VWC2L: variants seen among roughly 807,000 people sequenced by gnomAD.
The protein encoded by VWC2L is von Willebrand factor C domain-containing protein 2-like.
Under a neutral mutation model 21.6 loss-of-function variants are expected in VWC2L, and 10 were observed. The ratio of observed to expected loss-of-function variants is 0.46; its 90% CI spans 0.29 to 0.78. The LOEUF (loss-of-function observed/expected upper bound fraction) is 0.78, where lower values mean the gene tolerates loss of function less well. VWC2L is among the 30% of genes least tolerant of loss of function. VWC2L has a pLI of 0.10. For synonymous variants in VWC2L, 96 were observed against 94.3 expected, an observed-to-expected ratio of 1.02 and a Z score of -0.10; for missense variants, 209 against 277.1, an observed-to-expected ratio of 0.75 and a Z score of 1.74.
chr2:214,557,799 G>T (rs552319732), intron 3 of VWC2L, among the ~76,000 whole-genome samples: 1 of 152,028 alleles, frequency 6.6e-6, no homozygotes, highest in African/African-American at 2.4e-5. Context: ...ACAGAATTTC[G>T]TGCCTTTCTG....
At chr2:214,464,461 T>C (rs943669350) in intron 3 of VWC2L, among the ~76,000 whole-genome samples, 2 of 151,594 alleles carry the variant, frequency 1.3e-5, no homozygotes, top group African/African-American at 2.4e-5. Context: ...CCAGGCAGAG[T>C]CTCTTGTTTT....
chr2:214,462,380 C>T (rs1272258176), intron 3 of VWC2L, among the ~76,000 whole-genome samples: 1 of 152,176 alleles, frequency 6.6e-6, no homozygotes, highest in Admixed American at 6.5e-5. Context: ...GGCCAACTGC[C>T]TCATTTCTCT....
At chr2:214,475,169 A>G (rs911121306) in intron 3 of VWC2L, among the ~76,000 whole-genome samples, 5 of 152,196 alleles carry the variant, frequency 3.3e-5, no homozygotes, top group African/African-American at 1.2e-4. Flanking sequence ...TCAACGGGAC[A>G]TTAAAAAGAA....
At chr2:214,459,451 C>T (rs1703107105) in intron 3 of VWC2L, among the ~76,000 whole-genome samples, 1 of 152,074 alleles carries the variant, frequency 6.6e-6, no homozygotes, top group South Asian at 2.1e-4. Context: ...CTTTGTATGT[C>T]CTTTGTTCCT....
intron 3 of VWC2L, among the ~76,000 whole-genome samples, chr2:214,443,736 A>G (rs1409494419): frequency 1.3e-5 from 2 of 152,192 alleles, no homozygotes; most frequent in Non-Finnish European, 2.9e-5. Context: ...GTAGGTAAAC[A>G]CTAAAGAAAT....
intron 3 of VWC2L, among the ~76,000 whole-genome samples, chr2:214,502,399 C>T (rs1044819890): frequency 3.3e-5 from 5 of 151,960 alleles, no homozygotes; most frequent in African/African-American, 4.8e-5. Flanking sequence ...GTGAAACCCC[C>T]CCTCTACTAA....
At chr2:214,462,907 G>A (rs1703163035) in intron 3 of VWC2L, among the ~76,000 whole-genome samples, 1 of 152,084 alleles carries the variant, frequency 6.6e-6, no homozygotes, top group South Asian at 2.1e-4. Context: ...AGGTTATATA[G>A]GATGTGTTGA....
chr2:214,500,324 C>T (rs1688874236), intron 3 of VWC2L, among the ~76,000 whole-genome samples: 1 of 152,128 alleles, frequency 6.6e-6, no homozygotes, highest in South Asian at 2.1e-4. Flanking sequence ...TATTTTCTTT[C>T]CCTCATGTAG....
chr2:214,535,959 A>C (rs1689521064), intron 3 of VWC2L, among the ~76,000 whole-genome samples: 1 of 152,062 alleles, frequency 6.6e-6, no homozygotes, highest in Non-Finnish European at 1.5e-5. Context: ...CCTAAGCTTT[A>C]CCTGGGCAGT....
chr2:214,537,623 T>C (rs1358709760), intron 3 of VWC2L, among the ~76,000 whole-genome samples: 5 of 151,974 alleles, frequency 3.3e-5, no homozygotes, highest in African/African-American at 1.2e-4. Context: ...GATAAATAAA[T>C]ATTTAAGGTG....
At chr2:214,546,697 C>T (rs1689711847) in intron 3 of VWC2L, among the ~76,000 whole-genome samples, 1 of 151,926 alleles carries the variant, frequency 6.6e-6, no homozygotes, top group Non-Finnish European at 1.5e-5. Context: ...GGCAGTCTTC[C>T]ATCCCTGAAC....
chr2:214,436,777 A>G lies in VWC2L; in HGVS notation c.520+19A>G. 6.2e-7 allele frequency: 1 copy of G among 1,612,410 alleles called. No individual in the cohort carries two copies. Among genetic ancestry groups the G allele is most frequent in the South Asian group, 1.1e-5 (1 of 91,048 alleles). On this transcript the variant is annotated intron_variant, in intron 3 of 3. Transcript: ENST00000312504. ...AAAAATGGTAAGACCACACTGCATTAGCTTTTGAAGAGGGGTTCGCACAAA... is the reference window on the plus strand; with the variant it reads ...AAAAATGGTAAGACCACACTGCATTGGCTTTTGAAGAGGGGTTCGCACAAA...
At chr2:214,560,929 T>C (rs1689957182) in intron 3 of VWC2L, among the ~76,000 whole-genome samples, 1 of 152,214 alleles carries the variant, frequency 6.6e-6, no homozygotes, top group Non-Finnish European at 1.5e-5. Flanking sequence ...AAATGACCCT[T>C]TGCTAAAAGT....
chr2:214,484,944 A>G (rs917263654), intron 3 of VWC2L, among the ~76,000 whole-genome samples: 8 of 152,176 alleles, frequency 5.3e-5, no homozygotes, highest in Admixed American at 5.2e-4. Flanking sequence ...ATGTATCATC[A>G]TGAAAATGTA....
chr2:214,476,421 C>T (rs1180523138), intron 3 of VWC2L, among the ~76,000 whole-genome samples: 1 of 152,122 alleles, frequency 6.6e-6, no homozygotes, highest in Non-Finnish European at 1.5e-5. Context: ...CAGAAATATT[C>T]ATTGGGTTAC....
intron 2 of VWC2L, among the ~76,000 whole-genome samples, chr2:214,418,535 C>A (rs4264565): frequency 0.22 from 32,955 of 152,148 alleles, 4,274 homozygotes; most frequent in East Asian, 0.46. Context: ...GAAATAATAT[C>A]ATATGAAACC....
chr2:214,498,036 T>C (rs1256645733), intron 3 of VWC2L, among the ~76,000 whole-genome samples: 1 of 152,248 alleles, frequency 6.6e-6, no homozygotes, highest in East Asian at 1.9e-4. Flanking sequence ...TGGCTGAAGC[T>C]AACAGAGGCT....
intron 3 of VWC2L, among the ~76,000 whole-genome samples, chr2:214,566,846 T>C (rs1429095933): frequency 6.6e-6 from 1 of 152,216 alleles, no homozygotes; most frequent in African/African-American, 2.4e-5. Flanking sequence ...TGAAAATGGC[T>C]ACACCTGATC....
At chr2:214,466,272 A>C (rs892318036) in intron 3 of VWC2L, among the ~76,000 whole-genome samples, 2 of 150,816 alleles carry the variant, frequency 1.3e-5, no homozygotes, top group Admixed American at 6.6e-5. Flanking sequence ...CTGGGTTGAC[A>C]TTTTTTTTTC....
Sources: allele counts gnomAD v4.1 joint callset (sites outside exome capture counted in the v4.1 genomes callset), GRCh38; gene constraint gnomAD v4.1.1; transcripts MANE v1.5; gene names NCBI Gene and HGNC (gene_info 2026-07-23, HGNC 2026-07-21).